Variants in MOB2 observed in about 807,000 individuals in gnomAD.
MOB2 encodes MOB2 Mps One Binder homolog.
A neutral mutation model predicts 27.4 loss-of-function variants in MOB2; 14 were observed. The observed-to-expected ratio is 0.51, with a 90% CI of 0.34 to 0.80. The LOEUF (loss-of-function observed/expected upper bound fraction) is 0.80, where lower values mean the gene tolerates loss of function less well. Ranked by LOEUF, MOB2 falls within the 30% of genes least tolerant of loss-of-function variation. MOB2 has a pLI of 0.01. For synonymous variants in MOB2, 167 were observed against 151.8 expected, an observed-to-expected ratio of 1.10 and a Z score of -0.74; for missense variants, 304 against 354.6, an observed-to-expected ratio of 0.86 and a Z score of 1.15.
chr11:1,469,965 A>G lies in MOB2; in HGVS notation c.*207T>C, dbSNP rs1355246504. ...AATGGGCCCAAAGGCTCTTCTCTACAAACGGCACGCATCCATCCGACAGGG... is the reference window on the plus strand; with the variant it reads ...AATGGGCCCAAAGGCTCTTCTCTACGAACGGCACGCATCCATCCGACAGGG... On this transcript the variant is annotated 3_prime_UTR_variant, in exon 5 of 5. Transcript: ENST00000329957. 3 of 1,279,698 alleles carry G rather than the reference A, an allele frequency of 2.3e-6. No individual in the cohort carries two copies. In the Admixed American group the frequency reaches 5.9e-5, roughly 25 times the overall value. The allele number at this position is 1,279,698 out of a possible 1,614,324, so 79.3% of individuals were successfully genotyped here.
chr11:1,484,590 G>A (rs1376278716), intron 1 of MOB2, among the ~76,000 whole-genome samples: 1 of 152,046 alleles, frequency 6.6e-6, no homozygotes, highest in African/African-American at 2.4e-5. Flanking sequence ...TGCACGCCAC[G>A]GGCACCTCCT....
chr11:1,480,995 T>C, intron 1 of MOB2, 110 bp from the exon 2 acceptor site: 3 of 1,349,124 alleles, frequency 2.2e-6, no homozygotes, highest in Non-Finnish European at 3.0e-6. Context: ...CCCGAGCCCA[T>C]CGGGGCGACA....
chr11:1,479,233 T>C (rs1233699593), intron 3 of MOB2, among the ~76,000 whole-genome samples: 1 of 152,188 alleles, frequency 6.6e-6, no homozygotes, highest in Non-Finnish European at 1.5e-5. Flanking sequence ...GAGCCAGCAC[T>C]TGGCCACAGG....
chr11:1,485,298 G>GCA lies in MOB2; in HGVS notation c.110+1147_110+1148dup, dbSNP rs139647573. Among the ~76,000 whole-genome samples the GCA allele has an allele frequency of 2.5e-3, 375 of 151,518 alleles. 1 individual carries two copies. Among genetic ancestry groups the GCA allele is most frequent in the South Asian group, 8.9e-3 (41 of 4,626 alleles). ...GACACACAAGCACACACTGGCACAG[G>GCA]CACACACACACACACGCCAGTCCCC... On this transcript the variant is annotated intron_variant, in intron 1 of 4. Coordinates refer to ENST00000329957, the MANE Select transcript of MOB2 (RefSeq NM_001172223.3).
chr11:1,481,608 C>G (rs963167933), intron 1 of MOB2: 3 of 152,560 alleles, frequency 2.0e-5, no homozygotes, highest in Non-Finnish European at 4.4e-5. Flanking sequence ...GGAAATGTTT[C>G]CCTTTCAGCT....
chr11:1,471,375 G>A lies in MOB2; in HGVS notation c.410C>T (p.Thr137Met), dbSNP rs766850515. 44 of 1,613,514 alleles carry A rather than the reference G, an allele frequency of 2.7e-5. No homozygotes were observed. The highest frequency in any genetic ancestry group is 3.6e-5 in the Non-Finnish European group (43 of 1,179,770). Reference protein sequence around the residue: ...YDERGKKVKCTAPQYVDFVMS... With the variant: ...YDERGKKVKCMAPQYVDFVMS... ...GACGAAGTCAACGTACTGTGGGGCC[G>A]TGCACTTGACCTTCTTCCCCCGCTC... Residue 137 changes from threonine to methionine, a missense_variant, in exon 4 of 5, where the codon ACG (threonine) becomes ATG (methionine). Coordinates refer to ENST00000329957, the MANE Select transcript of MOB2 (RefSeq NM_001172223.3).
intron 3 of MOB2, among the ~76,000 whole-genome samples, chr11:1,475,471 C>A (rs994228262): frequency 6.6e-6 from 1 of 152,184 alleles, no homozygotes; most frequent in East Asian, 1.9e-4. Context: ...GACAGGCAGA[C>A]TTGATTGATT....
At chr11:1,478,159 G>A (rs1005112561) in intron 3 of MOB2, among the ~76,000 whole-genome samples, 1 of 151,798 alleles carries the variant, frequency 6.6e-6, no homozygotes, top group Admixed American at 6.6e-5. Flanking sequence ...CCCCACCGCC[G>A]CCAGGCCCCA....
intron 3 of MOB2, chr11:1,472,404 G>GC (rs1847804000): frequency 6.6e-6 from 1 of 152,418 alleles, no homozygotes; most frequent in African/African-American, 2.4e-5. Context: ...CTCCCTGAGA[G>GC]CCAGCTCCCA....
chr11:1,474,761 G>A (rs1847834648), intron 3 of MOB2, among the ~76,000 whole-genome samples: 1 of 152,192 alleles, frequency 6.6e-6, no homozygotes, highest in South Asian at 2.1e-4. Flanking sequence ...CCGTCCACAC[G>A]TTTGTGTGGG....
Position 1,471,404 on chromosome 11 carries a change from ATACCAGTAGTACTGTC to A in MOB2, c.366-1_380del. 1 of 1,612,926 alleles carries A rather than the reference ATACCAGTAGTACTGTC, an allele frequency of 6.2e-7. No individual in the cohort carries two copies. The highest frequency in any genetic ancestry group is 8.5e-7 in the Non-Finnish European group (1 of 1,179,544). ...ACTTGACCTTCTTCCCCCGCTCGTC[ATACCAGTAGTACTGTC>A]TGTGGAGACAGAGACACGGTCAGGG... On this transcript the variant is annotated splice_acceptor_variant and coding_sequence_variant, in exon 4 of 5. Coordinates refer to ENST00000329957, the MANE Select transcript of MOB2 (RefSeq NM_001172223.3). LOFTEE classifies it high-confidence loss of function.
intron 3 of MOB2, among the ~76,000 whole-genome samples, chr11:1,479,327 G>A (rs1416205890): frequency 6.6e-6 from 1 of 152,226 alleles, no homozygotes; most frequent in Non-Finnish European, 1.5e-5. Context: ...CTCCATGCCT[G>A]ATCCATGGAG....
intron 1 of MOB2, among the ~76,000 whole-genome samples, chr11:1,483,327 C>T (rs1375512969): frequency 6.6e-6 from 1 of 152,232 alleles, no homozygotes; most frequent in Non-Finnish European, 1.5e-5. Flanking sequence ...GCAGGCAGGA[C>T]AGAGATGGCG....
chr11:1,486,191 A>C (rs1847967915), intron 1 of MOB2, among the ~76,000 whole-genome samples: 1 of 152,260 alleles, frequency 6.6e-6, no homozygotes, highest in Admixed American at 6.5e-5. Context: ...CAGGAAGTGC[A>C]GGCGGCTAAG....
At chr11:1,478,071 C>T (rs1280984652) in intron 3 of MOB2, among the ~76,000 whole-genome samples, 2 of 152,244 alleles carry the variant, frequency 1.3e-5, no homozygotes, top group African/African-American at 2.4e-5. Context: ...GGCTGTAACA[C>T]GCAACTCAAC....
chr11:1,482,114 C>G (rs552709462), intron 1 of MOB2, among the ~76,000 whole-genome samples: 4 of 152,314 alleles, frequency 2.6e-5, no homozygotes, highest in Non-Finnish European at 1.5e-5. Flanking sequence ...GCACAGCACA[C>G]CACACCCCAC....
At chr11:1,477,871 G>A (rs116672933) in intron 3 of MOB2, among the ~76,000 whole-genome samples, 94 of 152,326 alleles carry the variant, frequency 6.2e-4, no homozygotes, top group East Asian at 3.5e-3. Flanking sequence ...GCCCAGTCCC[G>A]TCTGTTCATC....
chr11:1,470,073 C>G lies in MOB2; in HGVS notation c.*99G>C. On this transcript the variant is annotated 3_prime_UTR_variant, in exon 5 of 5. Transcript: ENST00000329957. ...CAGCCCGGGGCCCTCTCAGACCTCA[C>G]CACACGCGTGCCCAGCACATGTGTG... 2 of 1,541,246 alleles carry G rather than the reference C, an allele frequency of 1.3e-6. No homozygotes were observed. Among genetic ancestry groups the G allele is most frequent in the Middle Eastern group, 3.3e-4 (2 of 5,992 alleles).
intron 3 of MOB2, among the ~76,000 whole-genome samples, chr11:1,479,187 G>A (rs928149626): frequency 2.0e-5 from 3 of 152,270 alleles, no homozygotes; most frequent in Admixed American, 2.0e-4. Flanking sequence ...CTCTGGGAAG[G>A]GTGCCAGGCC....
Sources: allele counts gnomAD v4.1 joint callset (sites outside exome capture counted in the v4.1 genomes callset), GRCh38; gene constraint gnomAD v4.1.1; transcripts MANE v1.5; gene names NCBI Gene and HGNC (gene_info 2026-07-23, HGNC 2026-07-21).